Variants in SPAG7 observed in about 807,000 individuals in gnomAD.
SPAG7 encodes sperm-associated antigen 7.
A neutral mutation model predicts 30.6 loss-of-function variants in SPAG7; 20 were observed. The observed-to-expected ratio is 0.65, with a 90% CI of 0.46 to 0.95. SPAG7 has a LOEUF of 0.95. SPAG7 is among the 40% of genes least tolerant of loss of function. The pLI is 0.00. For synonymous variants in SPAG7, 127 were observed against 104.2 expected (o/e 1.22, Z -1.33); for missense variants, 276 against 291.1 (o/e 0.95, Z 0.38).
At chr17:4,967,175 T>G (rs1201720864) in intron 1 of SPAG7, 1 of 986,440 alleles carries the variant, frequency 1.0e-6, no homozygotes, top group African/African-American at 1.8e-5. Context: ...GGAAAAAGGT[T>G]GTCGGAGGGA....
At position 4,959,918 on chromosome 17, in the gene SPAG7, TA is replaced by T. The variant is rs1344101881; in HGVS notation, c.418-3del. Reference sequence around the variant, plus strand: ...CTCCTCTTGCCTCTGGGCCAGCTCCTAGGGGTGAAAGTGGGGGCACTGGTGC... The same window carrying T: ...CTCCTCTTGCCTCTGGGCCAGCTCCTGGGGTGAAAGTGGGGGCACTGGTGC... On this transcript the variant is annotated splice_polypyrimidine_tract_variant and splice_region_variant and intron_variant, in intron 5 of 6. Coordinates refer to ENST00000206020, the MANE Select transcript of SPAG7 (RefSeq NM_004890.3). 6.2e-6 allele frequency: 10 copies of T among 1,612,980 alleles called. No individual in the cohort carries two copies. Among genetic ancestry groups the T allele is most frequent in the Non-Finnish European group, 8.5e-6 (10 of 1,179,912 alleles).
intron 1 of SPAG7, among the ~76,000 whole-genome samples, chr17:4,964,321 ATTTTT>A (rs1220931381): frequency 1.4e-5 from 2 of 144,508 alleles, no homozygotes; most frequent in East Asian, 4.1e-4. Context: ...TCAGCCTGAA[ATTTTT>A]TTCTCTTTTG....
In SPAG7 at chr17:4,959,759, C is replaced by T; in HGVS notation, c.574+1G>A. ...CACCCCCAGCCGCACTGTGGCCTCA[C>T]CACAGCCGTAGGTCTTATTGGCCTG... is the stretch of plus-strand genomic sequence containing the variant. On this transcript the variant is annotated splice_donor_variant, in intron 6 of 6. Transcript: ENST00000206020. LOFTEE classifies it high-confidence loss of function. 1 of 1,614,196 alleles carries T rather than the reference C, an allele frequency of 6.2e-7. No homozygotes were observed. Among genetic ancestry groups the T allele is most frequent in the East Asian group, 2.2e-5 (1 of 44,880 alleles).
intron 1 of SPAG7, among the ~76,000 whole-genome samples, chr17:4,963,133 G>A (rs1426063800): frequency 6.6e-6 from 1 of 152,036 alleles, no homozygotes; most frequent in African/African-American, 2.4e-5. Flanking sequence ...TGGCTTACGT[G>A]TGTAATCCCA....
intron 1 of SPAG7, chr17:4,967,198 T>G: frequency 2.0e-6 from 2 of 988,436 alleles, no homozygotes; most frequent in Non-Finnish European, 1.2e-6. Flanking sequence ...CAGAAGGGAC[T>G]GGGTTAAATT....
intron 1 of SPAG7, chr17:4,965,768 C>T (rs979205169): frequency 2.0e-5 from 3 of 152,228 alleles, no homozygotes; most frequent in African/African-American, 7.2e-5. Flanking sequence ...AAGCGATTCT[C>T]CCACCTCAGC....
chr17:4,965,489 T>C (rs553108662), intron 1 of SPAG7, among the ~76,000 whole-genome samples: 1 of 152,170 alleles, frequency 6.6e-6, no homozygotes, highest in Non-Finnish European at 1.5e-5. Flanking sequence ...CCCAGCAGCA[T>C]AGACAGAGAA....
chr17:4,966,962 G>A, intron 1 of SPAG7: 2 of 985,536 alleles, frequency 2.0e-6, no homozygotes, highest in Non-Finnish European at 2.4e-6. Context: ...ATCCCAAGCT[G>A]CAACACGAGC....
In SPAG7 at chr17:4,959,770, G is replaced by A. The variant is rs1299588044; in HGVS notation, c.564C>T (p.Thr188=). ...DAAHMLQANK[T]YGCVPVANKR... is the part of the protein sequence containing the mutation. Reference sequence around the variant, plus strand: ...GCACTGTGGCCTCACCACAGCCGTAGGTCTTATTGGCCTGTAGCATGTGGG... The same window carrying A: ...GCACTGTGGCCTCACCACAGCCGTAAGTCTTATTGGCCTGTAGCATGTGGG... The change falls in exon 6 of 7, where the codon ACC becomes ACT. Residue 188 remains threonine, a synonymous_variant. Coordinates refer to ENST00000206020, the MANE Select transcript of SPAG7 (RefSeq NM_004890.3). 2.5e-6 allele frequency: 4 copies of A among 1,614,064 alleles called. No homozygotes were observed. Among genetic ancestry groups the A allele is most frequent in the Admixed American group, 1.7e-5 (1 of 60,012 alleles).
chr17:4,962,668 C>T (rs1284235431), intron 1 of SPAG7, among the ~76,000 whole-genome samples: 11 of 151,186 alleles, frequency 7.3e-5, no homozygotes, highest in East Asian at 2.0e-4. Context: ...ATTTTTGAGA[C>T]GGAGTCTCAC....
intron 1 of SPAG7, 102 bp from the exon 2 acceptor site, chr17:4,960,955 G>C (rs1481989880): frequency 5.0e-6 from 5 of 990,568 alleles, no homozygotes; most frequent in South Asian, 1.3e-5. Context: ...GAGGTGTCAG[G>C]CTGGGAAGGT....
chr17:4,962,070 C>T (rs572807688), intron 1 of SPAG7, among the ~76,000 whole-genome samples: 147 of 152,248 alleles, frequency 9.7e-4, no homozygotes, highest in African/African-American at 3.4e-3. Context: ...TAATGCTTAA[C>T]CCCCTTTCCC....
rs570529205 is a variant in SPAG7 at position 4,967,433 on chromosome 17, G to C, written c.85+287C>G. Among the ~76,000 whole-genome samples, 12 of 152,358 alleles carry C rather than the reference G, an allele frequency of 7.9e-5. No homozygotes were observed. In the South Asian group the frequency reaches 1.7e-3, roughly 21 times the overall value. On this transcript the variant is annotated intron_variant, in intron 1 of 6. Coordinates refer to ENST00000206020, the MANE Select transcript of SPAG7 (RefSeq NM_004890.3). ...CAGGTTGGAGGCACCCTACCAATCAGACCAGGTCAGCAGCGGACAGGCGGG... is the reference window on the plus strand; with the variant it reads ...CAGGTTGGAGGCACCCTACCAATCACACCAGGTCAGCAGCGGACAGGCGGG...
chr17:4,959,811 C>A lies in SPAG7; in HGVS notation c.523G>T (p.Ala175Ser). The change falls in exon 6 of 7, where the codon GCA (alanine) becomes TCA (serine). Residue 175 changes from alanine to serine, a missense_variant. Coordinates refer to ENST00000206020, the MANE Select transcript of SPAG7 (RefSeq NM_004890.3). The part of the protein sequence containing the change: ...DKYSHLIGKG[A>S]AKDAAHMLQA... ...AGCATGTGGGCTGCGTCTTTGGCTG[C>A]TCCCTTGCCGATGAGGTGGCTGTAC... 6.2e-7 allele frequency: 1 copy of A among 1,614,210 alleles called. No homozygotes were observed. The highest frequency in any genetic ancestry group is 8.5e-7 in the Non-Finnish European group (1 of 1,180,032).
intron 1 of SPAG7, among the ~76,000 whole-genome samples, chr17:4,964,940 G>C (rs1258386016): frequency 2.2e-5 from 3 of 134,526 alleles, no homozygotes; most frequent in Non-Finnish European, 4.7e-5. Context: ...ATGGAGTTTC[G>C]CTCTCTTTGC....
Position 4,959,750 on chromosome 17 carries a change from GTGGCCTCAC to G in SPAG7, c.574+1_574+9del. On this transcript the variant is annotated splice_donor_variant and splice_donor_5th_base_variant and intron_variant, in intron 6 of 6. Transcript: ENST00000206020. LOFTEE classifies it high-confidence loss of function. The stretch of plus-strand genomic sequence containing the variant: ...TCTCCCAGCCACCCCCAGCCGCACT[GTGGCCTCAC>G]CACAGCCGTAGGTCTTATTGGCCTG... The G allele has an allele frequency of 6.2e-7, 1 of 1,614,176 alleles. No homozygotes were observed. The highest frequency in any genetic ancestry group is 8.5e-7 in the Non-Finnish European group (1 of 1,180,036).
At position 4,959,472 on chromosome 17, in the gene SPAG7, C is replaced by A; in HGVS notation, c.*62G>T. Reference sequence around the variant, plus strand: ...GCTCCAGGATGGGCTCTAATAGCAGCAGCCTTGTCTCTCCCTGCCCCCTGC... The same window carrying A: ...GCTCCAGGATGGGCTCTAATAGCAGAAGCCTTGTCTCTCCCTGCCCCCTGC... On this transcript the variant is annotated 3_prime_UTR_variant, in exon 7 of 7. Coordinates refer to ENST00000206020, the MANE Select transcript of SPAG7 (RefSeq NM_004890.3). 7.4e-7 allele frequency: 1 copy of A among 1,352,026 alleles called. No individual in the cohort carries two copies. 83.8% of individuals were successfully genotyped at this position (1,352,026 alleles called of 1,614,324 possible). A position where few individuals can be genotyped will look rare whatever the true frequency, so the allele number is the denominator to read the frequency against.
At chr17:4,960,757 C>G in intron 2 of SPAG7, 29 bp downstream of exon 2, 2 of 1,603,010 alleles carry the variant, frequency 1.2e-6, no homozygotes, top group Non-Finnish European at 1.7e-6. Context: ...CTTCCTGAGT[C>G]TGCCTTTGAT....
In SPAG7 at chr17:4,966,446, C is replaced by T. The variant is rs190859246; in HGVS notation, c.85+1274G>A. ...AGGCGAGTGACTCATTTAAGCTTCCCAGTCTGTCAATGCCGGGTGATCCCC... is the reference window on the plus strand; with the variant it reads ...AGGCGAGTGACTCATTTAAGCTTCCTAGTCTGTCAATGCCGGGTGATCCCC... On this transcript the variant is annotated intron_variant, in intron 1 of 6. Coordinates refer to ENST00000206020, the MANE Select transcript of SPAG7 (RefSeq NM_004890.3). 5.0e-5 allele frequency: 21 copies of T among 423,536 alleles called. 1 individual carries two copies. Among genetic ancestry groups the T allele is most frequent in the Admixed American group, 3.8e-4 (6 of 15,608 alleles). 26.2% of individuals were successfully genotyped at this position (423,536 alleles called of 1,614,324 possible). A position where few individuals can be genotyped will look rare whatever the true frequency, so the allele number is the denominator to read the frequency against.
Sources: allele counts gnomAD v4.1 joint callset (sites outside exome capture counted in the v4.1 genomes callset), GRCh38; gene constraint gnomAD v4.1.1; transcripts MANE v1.5; gene names NCBI Gene and HGNC (gene_info 2026-07-23, HGNC 2026-07-21).